Variants in ACVRL1 observed in about 807,000 individuals in gnomAD.
ACVRL1 encodes the protein activin receptor type-1-like.
In ACVRL1, 20 loss-of-function variants were observed where a neutral mutation model predicts 51.9. The observed-to-expected ratio is 0.39, with a 90% CI of 0.27 to 0.56. The LOEUF (loss-of-function observed/expected upper bound fraction) is 0.56, where lower values mean the gene tolerates loss of function less well. ACVRL1 is among the 20% of genes least tolerant of loss of function. ACVRL1 has a pLI of 0.67. For synonymous variants in ACVRL1, 288 were observed against 280.9 expected (o/e 1.03, Z -0.25); for missense variants, 451 against 670.3 (o/e 0.67, Z 3.61).
Position 51,913,782 on chromosome 12 carries a change from G to C in ACVRL1, c.525+12G>C. 6.2e-7 allele frequency: 1 copy of C among 1,610,186 alleles called. No individual in the cohort carries two copies. ...ACAGCATGTTGGGGGTATGGGCCTG[G>C]GGACCTGGGACACAGGGTGTAGGAG... is the stretch of plus-strand genomic sequence containing the variant. On this transcript the variant is annotated intron_variant, in intron 4 of 9. Transcript: ENST00000388922.
rs952062186 is a variant in ACVRL1 at position 51,907,606 on chromosome 12, T to C, written c.-95T>C. On this transcript the variant is annotated 5_prime_UTR_variant, in exon 1 of 10. Coordinates refer to ENST00000388922, the MANE Select transcript of ACVRL1 (RefSeq NM_000020.3). The surrounding 1 kb of genome is among the most constrained non-coding windows in gnomAD (Gnocchi z 4.5). Reference sequence around the variant, plus strand: ...CGGACCCCAGCCCGCCGTCCAGCGCTGGCGGTGCAACTGCGGCCGCGCGGT... The same window carrying C: ...CGGACCCCAGCCCGCCGTCCAGCGCCGGCGGTGCAACTGCGGCCGCGCGGT... 6.6e-6 allele frequency: 1 copy of C among 151,962 alleles called. No homozygotes were observed. Among genetic ancestry groups the C allele is most frequent in the African/African-American group, 2.4e-5 (1 of 41,426 alleles). The allele number at this position is 151,962 out of a possible 1,614,324, so 9.4% of individuals were successfully genotyped here.
intron 6 of ACVRL1, 109 bp downstream of exon 6, chr12:51,914,694 C>A (rs1003078756): frequency 2.2e-6 from 2 of 913,674 alleles, no homozygotes; most frequent in Non-Finnish European, 3.2e-6. Flanking sequence ...ACTCTCAGCC[C>A]ACCTGCAGCA....
chr12:51,915,887 C>T (rs1313279129), intron 7 of ACVRL1, 149 bp from the exon 8 acceptor site: 1 of 829,254 alleles, frequency 1.2e-6, no homozygotes, highest in East Asian at 2.7e-5. Flanking sequence ...ATGGTTCTCT[C>T]TGTGGCCACT....
intron 7 of ACVRL1, 67 bp downstream of exon 7, chr12:51,915,567 T>C (rs1056157473): frequency 6.5e-7 from 1 of 1,542,980 alleles, no homozygotes; most frequent in African/African-American, 1.4e-5. Flanking sequence ...TCCTCTCCTT[T>C]GCCTGTGGGC....
chr12:51,922,847 G>A lies in ACVRL1; in HGVS notation c.*1954G>A, dbSNP rs1941015441. 6.6e-6 allele frequency: 1 copy of A among 152,610 alleles called. No individual in the cohort carries two copies. The highest frequency in any genetic ancestry group is 2.1e-4 in the South Asian group (1 of 4,832). 9.5% of individuals were successfully genotyped at this position (152,610 alleles called of 1,614,324 possible). ...GTGTGTCTTCCACCATCCTCATGGTGGCACTTTTCTAGGCCTGTCTCCCAG... is the reference window on the plus strand; with the variant it reads ...GTGTGTCTTCCACCATCCTCATGGTAGCACTTTTCTAGGCCTGTCTCCCAG... On this transcript the variant is annotated 3_prime_UTR_variant, in exon 10 of 10. Transcript: ENST00000388922.
chr12:51,916,371 TG>T (rs1257971279), intron 8 of ACVRL1, 138 bp downstream of exon 8: 9 of 862,504 alleles, frequency 1.0e-5, no homozygotes, highest in Non-Finnish European at 1.6e-5. Context: ...GCCCACCAGC[TG>T]GTTCAGCTGA....
intron 1 of ACVRL1, among the ~76,000 whole-genome samples, chr12:51,909,894 C>G (rs185093150): frequency 6.6e-6 from 1 of 152,176 alleles, no homozygotes; most frequent in Non-Finnish European, 1.5e-5. Context: ...ATTAGTTTAA[C>G]GTCTGTAATT....
At chr12:51,912,740 C>T (rs1463862128) in intron 2 of ACVRL1, among the ~76,000 whole-genome samples, 1 of 152,132 alleles carries the variant, frequency 6.6e-6, no homozygotes, top group Non-Finnish European at 1.5e-5. Context: ...TCCAGACCTG[C>T]AGGCTGGAGC....
At position 51,914,599 on chromosome 12, in the gene ACVRL1, C is replaced by G; in HGVS notation, c.772+14C>G. 6.2e-7 allele frequency: 1 copy of G among 1,607,426 alleles called. No homozygotes were observed. ...ACAACATCCTAGGCAAGGGGAGAGG[C>G]CAGCTGTGCCAGGCCTGGGGCTTTG... On this transcript the variant is annotated intron_variant, in intron 6 of 9. Coordinates refer to ENST00000388922, the MANE Select transcript of ACVRL1 (RefSeq NM_000020.3).
chr12:51,919,559 ATT>A (rs1451415821), intron 9 of ACVRL1, among the ~76,000 whole-genome samples: 1 of 151,964 alleles, frequency 6.6e-6, no homozygotes, highest in African/African-American at 2.4e-5. Context: ...CACCTGGCTA[ATT>A]TTTAAAATTT....
Position 51,913,912 on chromosome 12 carries a change from G to A in ACVRL1, c.526-62G>A, listed in dbSNP as rs796923072. On this transcript the variant is annotated intron_variant, in intron 4 of 9. Coordinates refer to ENST00000388922, the MANE Select transcript of ACVRL1 (RefSeq NM_000020.3). ...AGTGACCCAGCAGGTCCCAGGTCGA[G>A]GATAGAGAAGGGGGCTGTGGCTGGT... 102 of 1,591,090 alleles carry A rather than the reference G, an allele frequency of 6.4e-5. 1 individual carries two copies. In the African/African-American group the frequency reaches 1.3e-3, roughly 20 times the overall value.
At chr12:51,920,730 C>T (rs776608777) in intron 9 of ACVRL1, 29 bp from the exon 10 acceptor site, 1 of 1,612,438 alleles carries the variant, frequency 6.2e-7, no homozygotes. Flanking sequence ...TCTGCCTCCT[C>T]TCCTCTGCAC....
intron 7 of ACVRL1, 133 bp downstream of exon 7, chr12:51,915,633 C>A: frequency 8.2e-7 from 1 of 1,214,202 alleles, no homozygotes; most frequent in Non-Finnish European, 1.1e-6. Context: ...CAGTTCTCCT[C>A]CGCAAGACCC....
intron 9 of ACVRL1, chr12:51,919,366 TG>T: frequency 1.0e-5 from 2 of 198,392 alleles, no homozygotes; most frequent in South Asian, 4.9e-5. Context: ...TGTGGCTCTG[TG>T]TGTGTGTGTG....
chr12:51,918,114 T>G (rs753398611), intron 8 of ACVRL1, among the ~76,000 whole-genome samples: 1 of 152,094 alleles, frequency 6.6e-6, no homozygotes, highest in Non-Finnish European at 1.5e-5. Flanking sequence ...CGGGGCTGTC[T>G]GCGGCTCCAC....
chr12:51,913,922 G>A, intron 4 of ACVRL1, 52 bp from the exon 5 acceptor site: 1 of 1,598,586 alleles, frequency 6.3e-7, no homozygotes, highest in Non-Finnish European at 8.5e-7. Flanking sequence ...GGATAGAGAA[G>A]GGGGCTGTGG....
At chr12:51,918,937 G>A (rs373295983) in intron 8 of ACVRL1, 48 bp from the exon 9 acceptor site, 1 of 1,614,000 alleles carries the variant, frequency 6.2e-7, no homozygotes, top group African/African-American at 1.3e-5. Flanking sequence ...GTGGTATTGG[G>A]CCTCCTTAGA....
At position 51,922,366 on chromosome 12, in the gene ACVRL1, C is replaced by T. The variant is rs1941002174; in HGVS notation, c.*1473C>T. 1 of 152,268 alleles carries T rather than the reference C, an allele frequency of 6.6e-6. No homozygotes were observed. The highest frequency in any genetic ancestry group is 6.5e-5 in the Admixed American group (1 of 15,280). 9.4% of individuals were successfully genotyped at this position (152,268 alleles called of 1,614,324 possible). On this transcript the variant is annotated 3_prime_UTR_variant, in exon 10 of 10. Coordinates refer to ENST00000388922, the MANE Select transcript of ACVRL1 (RefSeq NM_000020.3). The stretch of plus-strand genomic sequence containing the variant: ...CGCCCTCTCTGTGGCATAGTCTTCT[C>T]TGCCCCAGGACTGCAGGGCGGCTTC...
At chr12:51,916,924 A>G (rs905800253) in intron 8 of ACVRL1, among the ~76,000 whole-genome samples, 1 of 152,240 alleles carries the variant, frequency 6.6e-6, no homozygotes, top group Non-Finnish European at 1.5e-5. Context: ...CGGTGAGCCA[A>G]GATCATGCCA....
Sources: allele counts gnomAD v4.1 joint callset (sites outside exome capture counted in the v4.1 genomes callset), GRCh38; gene constraint gnomAD v4.1.1; non-coding constraint Gnocchi (gnomAD v3.1); transcripts MANE v1.5; gene names NCBI Gene and HGNC (gene_info 2026-07-23, HGNC 2026-07-21).